Variants in HS3ST4 observed in about 807,000 individuals in gnomAD.
HS3ST4 encodes the protein heparan sulfate glucosamine 3-O-sulfotransferase 4.
Under a neutral mutation model 29.2 loss-of-function variants are expected in HS3ST4, and 17 were observed. That is an observed-to-expected ratio of 0.58 (90% CI 0.40 to 0.87). HS3ST4 has a LOEUF of 0.87. Among genes scored for constraint, HS3ST4 ranks in the 40% least tolerant of loss-of-function variants. The pLI, the probability that HS3ST4 is intolerant of heterozygous loss-of-function variation, is 0.00. For missense variants in HS3ST4, 627 were observed against 634.5 expected, an observed-to-expected ratio of 0.99 and a Z score of 0.13; for synonymous variants, 314 against 285.7, an observed-to-expected ratio of 1.10 and a Z score of -1.00.
At chr16:25,941,850 A>C (rs12447284) in intron 1 of HS3ST4, among the ~76,000 whole-genome samples, 8 of 152,230 alleles carry the variant, frequency 5.3e-5, no homozygotes, top group Non-Finnish European at 1.0e-4. Context: ...TACTGGAATT[A>C]CAGGTGTGAG....
intron 1 of HS3ST4, among the ~76,000 whole-genome samples, chr16:26,135,314 A>C (rs1001470866): frequency 2.0e-5 from 3 of 152,148 alleles, no homozygotes; most frequent in African/African-American, 7.2e-5. Context: ...TACAACTAAT[A>C]CGTAGAGAAA....
intron 1 of HS3ST4, among the ~76,000 whole-genome samples, chr16:25,959,190 G>C (rs1968768641): frequency 6.6e-6 from 1 of 152,208 alleles, no homozygotes; most frequent in Non-Finnish European, 1.5e-5. Context: ...GGGTAAGGAA[G>C]AAGCTGTGTT....
chr16:25,828,246 T>G (rs199509630), intron 1 of HS3ST4, among the ~76,000 whole-genome samples: 12,427 of 54,462 alleles, frequency 0.23, 1,480 homozygotes, highest in African/African-American at 0.25. Flanking sequence ...TTCTTTCTCT[T>G]TCTTTCTTTC....
chr16:25,843,764 G>A (rs187785984), intron 1 of HS3ST4, among the ~76,000 whole-genome samples: 465 of 152,240 alleles, frequency 3.1e-3, no homozygotes, highest in Non-Finnish European at 5.1e-3. Flanking sequence ...TTACATATAC[G>A]GCAGCAGCCT....
chr16:25,832,856 A>G (rs1967318548), intron 1 of HS3ST4, among the ~76,000 whole-genome samples: 1 of 152,092 alleles, frequency 6.6e-6, no homozygotes, highest in South Asian at 2.1e-4. Flanking sequence ...TGCAGCAAAG[A>G]CTCTCTCAAT....
chr16:26,108,659 T>C (rs1653699069), intron 1 of HS3ST4, among the ~76,000 whole-genome samples: 1 of 152,184 alleles, frequency 6.6e-6, no homozygotes, highest in South Asian at 2.1e-4. Flanking sequence ...TAAGGATTAA[T>C]TGAGTTTATT....
chr16:25,772,056 C>T (rs774687617), intron 1 of HS3ST4, among the ~76,000 whole-genome samples: 1 of 152,214 alleles, frequency 6.6e-6, no homozygotes, highest in Non-Finnish European at 1.5e-5. Flanking sequence ...CTCTGTCACA[C>T]CTACTCAACT....
chr16:26,110,565 C>T (rs1215214027), intron 1 of HS3ST4, among the ~76,000 whole-genome samples: 3 of 152,160 alleles, frequency 2.0e-5, no homozygotes, highest in Non-Finnish European at 4.4e-5. Context: ...TTCTATTGGC[C>T]CTTTCTTCCA....
At chr16:25,947,526 G>A (rs2141695238) in intron 1 of HS3ST4, among the ~76,000 whole-genome samples, 1 of 150,388 alleles carries the variant, frequency 6.6e-6, no homozygotes, top group South Asian at 2.1e-4. Flanking sequence ...TGCAATCCAT[G>A]CGGTCACCCA....
Position 26,085,877 on chromosome 16 carries a change from A to AAATAATAATAAT in HS3ST4, c.735-49711_735-49700dup, listed in dbSNP as rs57927146. On this transcript the variant is annotated intron_variant, in intron 1 of 1. Transcript: ENST00000331351. ...TGACAGAGCGAGACCCTGTCTCTTA[A>AAATAATAATAAT]AATAATAATAATAATAATAATAATA... 4.9e-3 allele frequency among the ~76,000 whole-genome samples: 722 copies of AAATAATAATAAT among 146,924 alleles called. 4 individuals are homozygous for AAATAATAATAAT. Among genetic ancestry groups the AAATAATAATAAT allele is most frequent in the African/African-American group, 0.017 (671 of 39,784 alleles).
rs145607131 is a variant in HS3ST4, at chr16:25,815,847, C to T, written c.734+122696C>T. Among the ~76,000 whole-genome samples the T allele has an allele frequency of 2.9e-3, 445 of 152,258 alleles. 1 individual carries two copies. The highest frequency in any genetic ancestry group is 0.01 in the African/African-American group (422 of 41,550). ...AAGCCTCCACTCAGCTCCAGCCTCA[C>T]GAAACTTTCCACTGCTCCCTGAATT... On this transcript the variant is annotated intron_variant, in intron 1 of 1. Transcript: ENST00000331351.
chr16:25,797,993 AGAG>A (rs1400576280), intron 1 of HS3ST4, among the ~76,000 whole-genome samples: 12 of 152,208 alleles, frequency 7.9e-5, no homozygotes, highest in Non-Finnish European at 1.8e-4. Context: ...ACAGGCTGGA[AGAG>A]GAGATTTTTG....
At chr16:26,026,619 C>T (rs1048938882) in intron 1 of HS3ST4, among the ~76,000 whole-genome samples, 3 of 152,144 alleles carry the variant, frequency 2.0e-5, no homozygotes, top group African/African-American at 7.2e-5. Flanking sequence ...TATGACATCA[C>T]TTTTTGGTAC....
chr16:25,829,968 C>T (rs1967276577), intron 1 of HS3ST4, among the ~76,000 whole-genome samples: 1 of 152,088 alleles, frequency 6.6e-6, no homozygotes, highest in Non-Finnish European at 1.5e-5. Flanking sequence ...GGGCTACAGG[C>T]ACACACCACC....
chr16:25,743,637 C>A (rs1966668490), intron 1 of HS3ST4, among the ~76,000 whole-genome samples: 1 of 152,136 alleles, frequency 6.6e-6, no homozygotes, highest in South Asian at 2.1e-4. Context: ...TCCTGAGTAG[C>A]TGGGATTACA....
At chr16:25,787,715 A>G (rs570529648) in intron 1 of HS3ST4, among the ~76,000 whole-genome samples, 1 of 152,356 alleles carries the variant, frequency 6.6e-6, no homozygotes, top group African/African-American at 2.4e-5. Context: ...GCTTGAGCTC[A>G]GGGGCTCCTT....
At chr16:26,095,681 A>C (rs927376121) in intron 1 of HS3ST4, among the ~76,000 whole-genome samples, 1 of 152,234 alleles carries the variant, frequency 6.6e-6, no homozygotes, top group Non-Finnish European at 1.5e-5. Context: ...TCTAAAATTG[A>C]CACTCTAACA....
chr16:26,120,559 T>A (rs180952249), intron 1 of HS3ST4, among the ~76,000 whole-genome samples: 1 of 152,178 alleles, frequency 6.6e-6, no homozygotes, highest in African/African-American at 2.4e-5. Flanking sequence ...TAAATTTCAG[T>A]TGTAGCTAAA....
At chr16:25,914,618 G>T (rs1009180372) in intron 1 of HS3ST4, among the ~76,000 whole-genome samples, 1 of 149,674 alleles carries the variant, frequency 6.7e-6, no homozygotes, top group South Asian at 2.1e-4. Context: ...AGGGTGTGTG[G>T]GGTGTGTGTG....
Sources: allele counts gnomAD v4.1 joint callset (sites outside exome capture counted in the v4.1 genomes callset), GRCh38; gene constraint gnomAD v4.1.1; transcripts MANE v1.5; gene names NCBI Gene and HGNC (gene_info 2026-07-23, HGNC 2026-07-21).